Variants in SLC30A7 observed in about 807,000 individuals in gnomAD.
SLC30A7 encodes the protein solute carrier family 30 member 7.
Under a neutral mutation model 46.0 loss-of-function variants are expected in SLC30A7, and 35 were observed. That is an observed-to-expected ratio of 0.76 (90% CI 0.58 to 1.01). The LOEUF (loss-of-function observed/expected upper bound fraction) is 1.01, where lower values mean the gene tolerates loss of function less well. Ranked by LOEUF, SLC30A7 falls within the 50% of genes least tolerant of loss-of-function variation. SLC30A7 has a pLI of 0.00. For synonymous variants in SLC30A7, 147 were observed against 157.8 expected (o/e 0.93, Z 0.51); for missense variants, 464 against 451.1 (o/e 1.03, Z -0.26).
intron 8 of SLC30A7, among the ~76,000 whole-genome samples, chr1:100,958,258 G>T (rs1570582316): frequency 6.6e-6 from 1 of 151,926 alleles, no homozygotes; most frequent in African/African-American, 2.4e-5. Flanking sequence ...CTCACTGCAA[G>T]CTCCACCTCC....
downstream of SLC30A7, among the ~76,000 whole-genome samples, chr1:100,982,368 T>G (rs2101114703): frequency 6.6e-6 from 1 of 152,308 alleles, no homozygotes; most frequent in African/African-American, 2.4e-5. Flanking sequence ...ATAGCTTCAC[T>G]CCTCCCTATT....
chr1:100,949,270 G>C (rs886459222), intron 8 of SLC30A7, among the ~76,000 whole-genome samples: 1 of 152,286 alleles, frequency 6.6e-6, no homozygotes, highest in South Asian at 2.1e-4. Context: ...AGGTCCCTCA[G>C]CTTCAGGTCT....
At chr1:100,923,311 C>T (rs1464105851) in intron 8 of SLC30A7, among the ~76,000 whole-genome samples, 2 of 106,062 alleles carry the variant, frequency 1.9e-5, no homozygotes, top group African/African-American at 3.6e-5. Context: ...CCACCGCGCC[C>T]AGCCTAGAAT....
the SLC30A7 span, among the ~76,000 whole-genome samples, chr1:100,993,278 C>T: frequency 7.9e-5 from 12 of 151,896 alleles, no homozygotes; most frequent in Non-Finnish European, 1.6e-4. Context: ...GCAGGCCAGG[C>T]GTGGTGGCTC....
intron 8 of SLC30A7, chr1:100,941,008 A>G: frequency 2.8e-6 from 1 of 355,856 alleles, no homozygotes; most frequent in Non-Finnish European, 5.5e-6. Flanking sequence ...TTTATTTCCT[A>G]GCAGTAATTA....
At chr1:100,912,564 C>G (rs769862127) in intron 5 of SLC30A7, among the ~76,000 whole-genome samples, 1 of 152,046 alleles carries the variant, frequency 6.6e-6, no homozygotes, top group Non-Finnish European at 1.5e-5. Context: ...TGGCTTACAC[C>G]TATAATTCCA....
intron 8 of SLC30A7, among the ~76,000 whole-genome samples, chr1:100,929,615 C>T (rs1050060732): frequency 7.2e-5 from 11 of 152,092 alleles, no homozygotes; most frequent in African/African-American, 9.7e-5. Flanking sequence ...TACTGCTGCT[C>T]AGTTGAAAAC....
At chr1:100,983,375 CAAAA>C (rs779529890), downstream of SLC30A7, among the ~76,000 whole-genome samples, 2 of 76,494 alleles carry the variant, frequency 2.6e-5, no homozygotes, top group African/African-American at 4.9e-5. Flanking sequence ...TACTTTGAGG[CAAAA>C]AAAAAAAAAA....
chr1:100,958,916 A>G (rs936272143), intron 8 of SLC30A7, among the ~76,000 whole-genome samples: 3 of 152,236 alleles, frequency 2.0e-5, no homozygotes, highest in African/African-American at 7.2e-5. Flanking sequence ...CAGAGAAGAC[A>G]CTTCATACAG....
At chr1:100,907,052 A>T in intron 3 of SLC30A7, 87 bp downstream of exon 3, 3 of 816,136 alleles carry the variant, frequency 3.7e-6, no homozygotes, top group Non-Finnish European at 5.8e-6. Flanking sequence ...ACTTGTTACC[A>T]ATTGAACACA....
chr1:100,902,866 A>G (rs1455657091), intron 2 of SLC30A7, among the ~76,000 whole-genome samples: 4 of 152,172 alleles, frequency 2.6e-5, no homozygotes, highest in Non-Finnish European at 5.9e-5. Flanking sequence ...CAGGTACTAG[A>G]GGTTAGGACT....
intron 8 of SLC30A7, among the ~76,000 whole-genome samples, chr1:100,928,931 A>G (rs532318491): frequency 1.2e-4 from 18 of 152,296 alleles, no homozygotes; most frequent in African/African-American, 4.1e-4. Flanking sequence ...TTTTAAGTCA[A>G]TATTAAGTTT....
At position 100,906,872 on chromosome 1, in the gene SLC30A7, C is replaced by G; in HGVS notation, c.203C>G (p.Ser68Cys). 1.2e-6 allele frequency: 2 copies of G among 1,613,088 alleles called. No homozygotes were observed. The highest frequency in any genetic ancestry group is 8.5e-7 in the Non-Finnish European group (1 of 1,179,342). ...TCCAGCTTAGGCTTGATTTCCGACT[C>G]TTTTCACATGTTTTTCGATAGCACT... ...WSNCLGLISDSFHMFFDSTAI... is the reference protein window; with the variant it reads ...WSNCLGLISDCFHMFFDSTAI... The change falls in exon 3 of 11, where the codon TCT becomes TGT. Residue 68 changes from serine to cysteine, a missense_variant. Physicochemically the swap from Ser to Cys is moderately radical, Grantham distance 112. Coordinates refer to ENST00000357650, the MANE Select transcript of SLC30A7 (RefSeq NM_133496.5).
At chr1:100,904,394 C>G (rs1257091576) in intron 2 of SLC30A7, among the ~76,000 whole-genome samples, 2 of 152,106 alleles carry the variant, frequency 1.3e-5, no homozygotes, top group African/African-American at 4.8e-5. Context: ...ACTTCTCTAC[C>G]AAATTCCCCA....
the SLC30A7 span, among the ~76,000 whole-genome samples, chr1:100,987,532 A>G: frequency 2.0e-5 from 3 of 152,142 alleles, no homozygotes; most frequent in Non-Finnish European, 2.9e-5. Flanking sequence ...GTGAGAATAT[A>G]TATCTATATT....
chr1:100,899,073 A>G (rs1402182721), intron 2 of SLC30A7, among the ~76,000 whole-genome samples: 1 of 152,226 alleles, frequency 6.6e-6, no homozygotes, highest in Non-Finnish European at 1.5e-5. Flanking sequence ...TTTATATTTT[A>G]GATGATGAGT....
At position 100,906,972 on chromosome 1, in the gene SLC30A7, C is replaced by CT. The variant is rs1476173343; in HGVS notation, c.296+10dup. The CT allele has an allele frequency of 6.4e-6, 10 of 1,559,892 alleles. No individual in the cohort carries two copies. Among genetic ancestry groups the CT allele is most frequent in the Non-Finnish European group, 8.8e-6 (10 of 1,136,968 alleles). ...ATGATGCTTTCTCCTATGGGTAAGA[C>CT]TTTAAGAAAAAAAATCTTTTTATTG... is the stretch of plus-strand genomic sequence containing the variant. On this transcript the variant is annotated splice_region_variant and intron_variant, in intron 3 of 10. Transcript: ENST00000357650.
chr1:100,927,477 T>A (rs189987108), intron 8 of SLC30A7, among the ~76,000 whole-genome samples: 1 of 151,580 alleles, frequency 6.6e-6, no homozygotes, highest in Non-Finnish European at 1.5e-5. Context: ...CGAGAGAGAA[T>A]GGGAGGGGAG....
chr1:100,965,487 T>C lies in SLC30A7; in HGVS notation c.934-282T>C, dbSNP rs752440759. On this transcript the variant is annotated intron_variant, in intron 9 of 10. Coordinates refer to ENST00000357650, the MANE Select transcript of SLC30A7 (RefSeq NM_133496.5). Reference sequence around the variant, plus strand: ...CAAGTCATAAATAAGTGTTGGACTTTATAAAGTGATTGTTACTGTAAATTT... The same window carrying C: ...CAAGTCATAAATAAGTGTTGGACTTCATAAAGTGATTGTTACTGTAAATTT... 3.1e-4 allele frequency among the ~76,000 whole-genome samples: 47 copies of C among 152,232 alleles called. 1 individual carries two copies. Among genetic ancestry groups the C allele is most frequent in the Non-Finnish European group, 6.0e-4 (41 of 68,050 alleles).
Sources: allele counts gnomAD v4.1 joint callset (sites outside exome capture counted in the v4.1 genomes callset), GRCh38; gene constraint gnomAD v4.1.1; transcripts MANE v1.5; gene names NCBI Gene and HGNC (gene_info 2026-07-23, HGNC 2026-07-21).